The following YEATS4 variants were observed in gnomAD, a reference collection of about 807,000 sequenced individuals.
The protein encoded by YEATS4 is YEATS domain containing 4.
In YEATS4, 17 loss-of-function variants were observed where a neutral mutation model predicts 30.1. That is an observed-to-expected ratio of 0.56 (90% CI 0.39 to 0.85). YEATS4 has a LOEUF of 0.85. Ranked by LOEUF, YEATS4 falls within the 40% of genes least tolerant of loss-of-function variation. The pLI, the probability that YEATS4 is intolerant of heterozygous loss-of-function variation, is 0.00. For synonymous variants in YEATS4, 85 were observed against 87.5 expected (o/e 0.97, Z 0.16); for missense variants, 142 against 268.3 (o/e 0.53, Z 3.29).
chr12:69,399,812 T>C, the YEATS4 span, among the ~76,000 whole-genome samples: 1 of 152,180 alleles, frequency 6.6e-6, no homozygotes, highest in Admixed American at 6.5e-5. Flanking sequence ...GCAGTAAAAA[T>C]GAATGATGTG....
intron 2 of YEATS4, among the ~76,000 whole-genome samples, chr12:69,364,987 A>C (rs1393071234): frequency 1.3e-5 from 2 of 152,120 alleles, no homozygotes; most frequent in Admixed American, 6.5e-5. Context: ...ATAGTACCAG[A>C]TATGTACTGT....
the YEATS4 span, among the ~76,000 whole-genome samples, chr12:69,401,791 C>A: frequency 6.6e-6 from 1 of 152,186 alleles, no homozygotes; most frequent in Non-Finnish European, 1.5e-5. Context: ...GTCTCTCACA[C>A]GTTCTACTTT....
At chr12:69,420,985 C>T in the YEATS4 span, among the ~76,000 whole-genome samples, 1 of 152,112 alleles carries the variant, frequency 6.6e-6, no homozygotes, top group Non-Finnish European at 1.5e-5. Flanking sequence ...TACTTAATTT[C>T]GTTGACAAAT....
At chr12:69,389,845 G>T (rs1022215974) in intron 6 of YEATS4, among the ~76,000 whole-genome samples, 26 of 151,966 alleles carry the variant, frequency 1.7e-4, no homozygotes, top group African/African-American at 6.0e-4. Flanking sequence ...TTGGGTTTGT[G>T]TGCCCCCTTA....
intron 6 of YEATS4, among the ~76,000 whole-genome samples, chr12:69,374,603 T>C (rs1190338705): frequency 6.6e-6 from 1 of 151,982 alleles, no homozygotes; most frequent in African/African-American, 2.4e-5. Context: ...TTAGGGAGTA[T>C]GCTGCCTTCA....
chr12:69,359,816 G>T lies in YEATS4; in HGVS notation c.-157G>T. 3 of 829,714 alleles carry T rather than the reference G, an allele frequency of 3.6e-6. No individual in the cohort carries two copies. The highest frequency in any genetic ancestry group is 5.6e-6 in the Non-Finnish European group (3 of 535,768). The allele number at this position is 829,714 out of a possible 1,614,324, so 51.4% of individuals were successfully genotyped here. A position where few individuals can be genotyped will look rare whatever the true frequency, so the allele number is the denominator to read the frequency against. ...AGCACAGTCGGCCTGAGGAGTTGAC[G>T]GTTACTCACCGCCGTGAGCCCAAGT... On this transcript the variant is annotated 5_prime_UTR_variant, in exon 1 of 7. Coordinates refer to ENST00000247843, the MANE Select transcript of YEATS4 (RefSeq NM_006530.4).
intron 6 of YEATS4, among the ~76,000 whole-genome samples, chr12:69,385,311 C>T (rs1876232264): frequency 6.6e-6 from 1 of 151,834 alleles, no homozygotes; most frequent in Non-Finnish European, 1.5e-5. Flanking sequence ...TTTGCACTCT[C>T]ATGAATTGTT....
At chr12:69,408,295 C>T in the YEATS4 span, among the ~76,000 whole-genome samples, 1 of 151,906 alleles carries the variant, frequency 6.6e-6, no homozygotes, top group Admixed American at 6.6e-5. Flanking sequence ...TCTTACATTT[C>T]TTTAGATTTG....
chr12:69,386,713 A>C (rs997015457), intron 6 of YEATS4, among the ~76,000 whole-genome samples: 1 of 152,174 alleles, frequency 6.6e-6, no homozygotes, highest in Non-Finnish European at 1.5e-5. Flanking sequence ...AAGTCTAAAG[A>C]CTGACAGGCC....
chr12:69,367,251 A>G (rs1875470488), intron 4 of YEATS4, among the ~76,000 whole-genome samples: 2 of 152,214 alleles, frequency 1.3e-5, no homozygotes. Flanking sequence ...TCTCATGAGT[A>G]AGCATCCATA....
the YEATS4 span, among the ~76,000 whole-genome samples, chr12:69,409,510 G>A: frequency 2.0e-5 from 3 of 151,836 alleles, no homozygotes; most frequent in Non-Finnish European, 2.9e-5. Context: ...CCAGCTACTC[G>A]GGAGGCTGAG....
At chr12:69,391,216 C>T (rs1369110346), downstream of YEATS4, among the ~76,000 whole-genome samples, 1 of 152,058 alleles carries the variant, frequency 6.6e-6, no homozygotes, top group Non-Finnish European at 1.5e-5. Context: ...ATTGCTTGAA[C>T]CCAGGAGGCA....
At chr12:69,384,306 ACTAT>A (rs945014864) in intron 6 of YEATS4, among the ~76,000 whole-genome samples, 15 of 118,804 alleles carry the variant, frequency 1.3e-4, no homozygotes, top group African/African-American at 3.6e-4. Context: ...TTTTGACAAA[ACTAT>A]CATTTATTTA....
chr12:69,394,927 C>T (rs1001587335), downstream of YEATS4, among the ~76,000 whole-genome samples: 3 of 152,082 alleles, frequency 2.0e-5, no homozygotes, highest in African/African-American at 7.2e-5. Context: ...TTTAACTAAA[C>T]ATACTATACT....
At chr12:69,399,503 T>A in the YEATS4 span, among the ~76,000 whole-genome samples, 2 of 152,244 alleles carry the variant, frequency 1.3e-5, no homozygotes, top group Admixed American at 6.5e-5. Context: ...TAAGTGTTGA[T>A]GAGGATGTGG....
At chr12:69,396,520 A>G in the YEATS4 span, among the ~76,000 whole-genome samples, 9 of 152,224 alleles carry the variant, frequency 5.9e-5, no homozygotes, top group African/African-American at 2.2e-4. Flanking sequence ...TTACTGTTAT[A>G]GTCCAATCCC....
chr12:69,386,957 T>A (rs919559082), intron 6 of YEATS4, among the ~76,000 whole-genome samples: 39 of 152,164 alleles, frequency 2.6e-4, no homozygotes, highest in African/African-American at 9.2e-4. Flanking sequence ...ATTATAACAA[T>A]GAACTCTAAT....
chr12:69,362,108 C>T (rs1017695480), intron 1 of YEATS4, among the ~76,000 whole-genome samples: 2 of 147,840 alleles, frequency 1.4e-5, no homozygotes, highest in African/African-American at 5.0e-5. Flanking sequence ...ACCTCTGCCT[C>T]CCAGGTTCAA....
chr12:69,394,536 G>A (rs1483973588), downstream of YEATS4, among the ~76,000 whole-genome samples: 2 of 152,154 alleles, frequency 1.3e-5, no homozygotes, highest in African/African-American at 4.8e-5. Flanking sequence ...AAATGGTACA[G>A]ATAAACTGAT....
Sources: allele counts gnomAD v4.1 joint callset (sites outside exome capture counted in the v4.1 genomes callset), GRCh38; gene constraint gnomAD v4.1.1; transcripts MANE v1.5; gene names NCBI Gene and HGNC (gene_info 2026-07-23, HGNC 2026-07-21).